Variants in TRRAP observed in about 807,000 individuals in gnomAD.
TRRAP encodes transformation/transcription domain associated protein.
TRRAP carries 41 observed loss-of-function variants against 438.8 expected under a neutral mutation model. That is an observed-to-expected ratio of 0.09 (90% CI 0.07 to 0.12). The LOEUF (loss-of-function observed/expected upper bound fraction) is 0.12, where lower values mean the gene tolerates loss of function less well. TRRAP is among the 10% of genes least tolerant of loss of function. The pLI is 1.00. For synonymous variants in TRRAP, 1,994 were observed against 1,962.9 expected, an observed-to-expected ratio of 1.02 and a Z score of -0.42; for missense variants, 3,122 against 5,055.1, an observed-to-expected ratio of 0.62 and a Z score of 11.60.
At position 98,921,836 on chromosome 7, in the gene TRRAP, C is replaced by T; in HGVS notation, c.2706C>T (p.Asn902=). The change falls in exon 21 of 73, where the codon AAC becomes AAT. Residue 902 remains asparagine (N), a synonymous_variant. Transcript: ENST00000456197. ...YRVLGKFGGS[N]RKMLKESQKL... is the part of the protein sequence containing the mutation. ...TGCTCGGTAAGTTTGGCGGCAGTAA[C>T]AGGAAGATGCTGAAGGAGTCGCAGA... The T allele has an allele frequency of 1.2e-6, 2 of 1,614,240 alleles. No individual in the cohort carries two copies. Among genetic ancestry groups the T allele is most frequent in the Non-Finnish European group, 1.7e-6 (2 of 1,180,046 alleles).
intron 68 of TRRAP, among the ~76,000 whole-genome samples, 188 bp from the exon 69 acceptor site, chr7:99,004,943 T>C (rs1794093485): frequency 6.6e-6 from 1 of 152,200 alleles, no homozygotes; most frequent in Non-Finnish European, 1.5e-5. Flanking sequence ...CCGTGGCTGC[T>C]GAATTGAAAA....
Position 98,988,857 on chromosome 7 carries a change from A to C in TRRAP, c.9482A>C (p.Asn3161Thr), listed in dbSNP as rs1388630006. The change falls in exon 63 of 73, where the codon AAC (asparagine) becomes ACC (threonine). Residue 3161 changes from asparagine to threonine, a missense_variant. Physicochemically the swap from Asn to Thr is moderately conservative, Grantham distance 65. Around this residue, in one of 24 missense-constraint regions of TRRAP, gnomAD observed 23 missense variants for 18.2 expected, o/e 1.27. Coordinates refer to ENST00000456197, the MANE Select transcript of TRRAP (RefSeq NM_001375524.1). Reference protein sequence around the residue: ...AWAMWGDYLENIFVKERQLHL... With the variant: ...AWAMWGDYLETIFVKERQLHL... ...GCCATGTGGGGCGACTACCTGGAGA[A>C]CATCTTTGTGAAGGAGCGGCAGCTG... The C allele has an allele frequency of 6.2e-7, 1 of 1,614,054 alleles. No homozygotes were observed. The highest frequency in any genetic ancestry group is 8.5e-7 in the Non-Finnish European group (1 of 1,180,044).
At chr7:98,893,356 C>A (rs1376048626) in intron 5 of TRRAP, among the ~76,000 whole-genome samples, 1 of 152,194 alleles carries the variant, frequency 6.6e-6, no homozygotes, top group Non-Finnish European at 1.5e-5. Flanking sequence ...GTCATGTCAG[C>A]CACAGTGCTT....
intron 70 of TRRAP, among the ~76,000 whole-genome samples, chr7:99,010,060 G>C (rs1268869587): frequency 6.6e-6 from 1 of 151,814 alleles, no homozygotes; most frequent in African/African-American, 2.4e-5. Context: ...GCTAATTTTT[G>C]TATTTTTAGG....
chr7:98,889,989 G>GT (rs1251377922), intron 3 of TRRAP, among the ~76,000 whole-genome samples: 2 of 152,160 alleles, frequency 1.3e-5, no homozygotes, highest in African/African-American at 4.8e-5. Flanking sequence ...CAGGCTCTTT[G>GT]TTTTCCAGAT....
At chr7:98,988,271 C>G (rs777750042) in intron 62 of TRRAP, among the ~76,000 whole-genome samples, 10 of 152,130 alleles carry the variant, frequency 6.6e-5, no homozygotes, top group Non-Finnish European at 1.2e-4. Flanking sequence ...ATTTCCACTC[C>G]CTGGTATACA....
chr7:98,967,539 C>G lies in TRRAP; in HGVS notation c.7353C>G (p.Leu2451=), dbSNP rs887190540. Residue 2451 remains leucine (L), a synonymous_variant, in exon 51 of 73, where the codon CTC becomes CTG. Transcript: ENST00000456197. Reference sequence around the variant, plus strand: ...CGGCGAAACTTGAGCCTGCCTTTCTCTCTGGGCTGCGCTGTGCCCAGCCAC... The same window carrying G: ...CGGCGAAACTTGAGCCTGCCTTTCTGTCTGGGCTGCGCTGTGCCCAGCCAC... ...ELTAKLEPAF[L]SGLRCAQPLI... The G allele has an allele frequency of 1.2e-6, 2 of 1,613,974 alleles. No homozygotes were observed. Among genetic ancestry groups the G allele is most frequent in the African/African-American group, 2.7e-5 (2 of 74,898 alleles).
rs747767311 is a variant in TRRAP at position 98,983,275 on chromosome 7, A to G, written c.8838A>G (p.Gln2946=). The change falls in exon 60 of 73, where the codon CAA becomes CAG. Residue 2946 remains glutamine (Q), a synonymous_variant. Coordinates refer to ENST00000456197, the MANE Select transcript of TRRAP (RefSeq NM_001375524.1). ...GCTGGTCCCATCAGGCAGCCCAGCA[A>G]ATCATCGAACTCCAGGAAGCTGCAC... is the stretch of plus-strand genomic sequence containing the variant. ...VHTPLLQAAQ[Q]IIELQEAAQI... The G allele has an allele frequency of 1.2e-6, 2 of 1,612,804 alleles. No homozygotes were observed. Among genetic ancestry groups the G allele is most frequent in the Non-Finnish European group, 1.7e-6 (2 of 1,179,120 alleles).
chr7:98,975,181 C>T (rs971206062), intron 53 of TRRAP, among the ~76,000 whole-genome samples: 22 of 152,206 alleles, frequency 1.4e-4, no homozygotes, highest in Non-Finnish European at 2.6e-4. Context: ...TACTTAGGAG[C>T]GTTCTTTACC....
At chr7:98,906,378 G>A in intron 13 of TRRAP, 123 bp downstream of exon 13, 1 of 481,642 alleles carries the variant, frequency 2.1e-6, no homozygotes, top group Non-Finnish European at 3.6e-6. Context: ...TGTTAGGTTA[G>A]CAAGTGCAGG....
In TRRAP at chr7:98,942,959, G is replaced by A; in HGVS notation, c.4415G>A (p.Arg1472His). The A allele has an allele frequency of 2.5e-6, 4 of 1,614,188 alleles. No homozygotes were observed. Among genetic ancestry groups the A allele is most frequent in the Non-Finnish European group, 3.4e-6 (4 of 1,180,038 alleles). ...KFCDQMMQHL[R>H]KWMEVVVITH... is the part of the protein sequence containing the mutation. ...GTGTTTTTCCAACAGCAACATCTGCGCAAGTGGATGGAAGTGGTGGTGATC... is the reference window on the plus strand; with the variant it reads ...GTGTTTTTCCAACAGCAACATCTGCACAAGTGGATGGAAGTGGTGGTGATC... The change falls in exon 31 of 73, where the codon CGC becomes CAC. Residue 1472 changes from arginine to histidine, a missense_variant. Arg to His is a conservative substitution (Grantham distance 29). This residue lies in a region of TRRAP where 108 missense variants were observed against 256.9 expected (regional missense o/e 0.42). Coordinates refer to ENST00000456197, the MANE Select transcript of TRRAP (RefSeq NM_001375524.1).
intron 6 of TRRAP, among the ~76,000 whole-genome samples, chr7:98,894,783 G>GTTTTTTTTTT (rs56407045): frequency 0.012 from 1,074 of 87,316 alleles, no homozygotes; most frequent in Non-Finnish European, 0.014. Context: ...CCAGCTAATG[G>GTTTTTTTTTT]TTTTTTTTTT....
rs1791424951 is a variant in TRRAP, at chr7:98,953,210, G to A, written c.5507G>A (p.Arg1836Gln). The change falls in exon 40 of 73, where the codon CGG becomes CAG. Residue 1836 changes from arginine to glutamine, a missense_variant. Arg to Gln is a conservative substitution (Grantham distance 43). Around this residue, in one of 24 missense-constraint regions of TRRAP, gnomAD observed 272 missense variants for 348.5 expected, o/e 0.78. Coordinates refer to ENST00000456197, the MANE Select transcript of TRRAP (RefSeq NM_001375524.1). ...EKQADMLDSLRIYLLQYATLL... is the reference protein window; with the variant it reads ...EKQADMLDSLQIYLLQYATLL... ...CAGGCGGACATGCTGGACTCGCTGC[G>A]GATCTACCTGCTGCAGTACGCCACG... The A allele has an allele frequency of 1.9e-6, 3 of 1,613,036 alleles. No individual in the cohort carries two copies. The highest frequency in any genetic ancestry group is 2.5e-6 in the Non-Finnish European group (3 of 1,179,926).
intron 18 of TRRAP, among the ~76,000 whole-genome samples, chr7:98,914,375 T>G (rs565445221): frequency 6.6e-5 from 10 of 152,266 alleles, no homozygotes; most frequent in African/African-American, 2.2e-4. Context: ...CCGAGTGAGA[T>G]CCTGTCTCCA....
intron 70 of TRRAP, among the ~76,000 whole-genome samples, chr7:99,009,880 C>CTTTTTTTTTTTT (rs138174570): frequency 4.1e-5 from 4 of 96,690 alleles, no homozygotes; most frequent in Non-Finnish European, 5.8e-5. Context: ...TCATTCTTCT[C>CTTTTTTTTTTTT]TTTTTTTTTT....
At chr7:98,952,076 C>G (rs1554418331) in intron 39 of TRRAP, among the ~76,000 whole-genome samples, 1 of 152,124 alleles carries the variant, frequency 6.6e-6, no homozygotes, top group East Asian at 1.9e-4. Context: ...TAAAAGGGAC[C>G]TTGATAAAAA....
chr7:99,006,158 C>T (rs551734608), intron 69 of TRRAP, among the ~76,000 whole-genome samples: 3 of 152,256 alleles, frequency 2.0e-5, no homozygotes, highest in Admixed American at 6.5e-5. Flanking sequence ...CCTGATTGTA[C>T]CGGCACGTAG....
chr7:98,943,698 A>G (rs1199835934), intron 31 of TRRAP, among the ~76,000 whole-genome samples: 1 of 152,118 alleles, frequency 6.6e-6, no homozygotes, highest in Non-Finnish European at 1.5e-5. Flanking sequence ...TTTAAATCTA[A>G]TATTATTTGT....
At chr7:98,952,658 G>A (rs544016585) in intron 39 of TRRAP, among the ~76,000 whole-genome samples, 1 of 152,294 alleles carries the variant, frequency 6.6e-6, no homozygotes, top group South Asian at 2.1e-4. Flanking sequence ...TGGTTTTGAG[G>A]GCTTCAGTAT....
Sources: gnomAD v4.1 joint callset for allele counts (sites outside exome capture counted in the v4.1 genomes callset) on GRCh38, gnomAD v4.1.1 for gene constraint, gnomAD v4.1.1 regional missense constraint, MANE v1.5 for transcripts, NCBI Gene and HGNC (gene_info 2026-07-23, HGNC 2026-07-21) for gene names.